RNF207: variants seen among roughly 807,000 people sequenced by gnomAD.
The protein encoded by RNF207 is OTTHUMG00000001089.
In RNF207, 72 loss-of-function variants were observed where a neutral mutation model predicts 79.0. The ratio of observed to expected loss-of-function variants is 0.91; its 90% confidence interval spans 0.75 to 1.11. The LOEUF (loss-of-function observed/expected upper bound fraction) is 1.11. Among genes scored for constraint, RNF207 ranks in the 50% least tolerant of loss-of-function variants. The probability of loss-of-function intolerance (pLI) is 0.00; values close to 1 mark genes in which losing one functional copy is unlikely to be tolerated. For synonymous variants in RNF207, 348 were observed against 366.2 expected (o/e 0.95, Z 0.57); for missense variants, 936 against 855.8 (o/e 1.09, Z -1.17).
At position 6,206,635 on chromosome 1, in the gene RNF207, C is replaced by G; in HGVS notation, c.100C>G (p.Arg34Gly). Residue 34 changes from arginine to glycine, a missense_variant, in exon 2 of 18, where the codon CGC (arginine) becomes GGC (glycine). Physicochemically the swap from Arg to Gly is moderately radical, Grantham distance 125. Transcript: ENST00000377939. ...VCPLCHVQYE[R>G]PCLLDCFHDF... ...CCCGCTGTGCCACGTGCAGTACGAG[C>G]GCCCGTGTCTTCTGGACTGTTTCCA... is the stretch of plus-strand genomic sequence containing the variant. 6.2e-7 allele frequency: 1 copy of G among 1,608,140 alleles called. No homozygotes were observed. Among genetic ancestry groups the G allele is most frequent in the Non-Finnish European group, 8.5e-7 (1 of 1,179,820 alleles).
chr1:6,219,115 C>T, intron 17 of RNF207, 121 bp from the exon 18 acceptor site: 1 of 810,544 alleles, frequency 1.2e-6, no homozygotes, highest in African/African-American at 1.7e-5. Flanking sequence ...TCCTGGTTCT[C>T]ACTCACTGAG....
chr1:6,215,830 C>A (rs1235841593), intron 16 of RNF207, among the ~76,000 whole-genome samples: 2 of 152,146 alleles, frequency 1.3e-5, no homozygotes, highest in Non-Finnish European at 2.9e-5. Flanking sequence ...GCCCTCTAAG[C>A]TTGTGTAGGT....
chr1:6,215,766 G>C (rs964071839), intron 16 of RNF207, among the ~76,000 whole-genome samples: 2 of 151,848 alleles, frequency 1.3e-5, no homozygotes, highest in Admixed American at 6.6e-5. Flanking sequence ...AGGTTCAATC[G>C]ATTCTCCTGC....
At chr1:6,209,648 C>T (rs1557585595) in intron 7 of RNF207, 109 bp downstream of exon 7, 1 of 1,294,432 alleles carries the variant, frequency 7.7e-7, no homozygotes, top group East Asian at 2.8e-5. Flanking sequence ...GGCCTTGCAC[C>T]AAGCACTTTC....
chr1:6,212,480 A>C (rs1288896982), intron 14 of RNF207, 64 bp downstream of exon 14: 25 of 1,485,836 alleles, frequency 1.7e-5, no homozygotes, highest in Non-Finnish European at 2.0e-5. Flanking sequence ...CTACCCTAAG[A>C]CAGTAAGCGG....
In RNF207 at chr1:6,210,907, C is replaced by T. The variant is rs543292643; in HGVS notation, c.980C>T (p.Pro327Leu). The T allele has an allele frequency of 1.2e-5, 19 of 1,606,340 alleles. No homozygotes were observed. The highest frequency in any genetic ancestry group is 9.3e-5 in the African/African-American group (7 of 74,994). Residue 327 changes from proline (P) to leucine (L), a missense_variant, in exon 11 of 18, where the codon CCG (proline) becomes CTG (leucine). By Grantham distance (98) the Pro-to-Leu change is moderately conservative. Coordinates refer to ENST00000377939, the MANE Select transcript of RNF207 (RefSeq NM_207396.3). The stretch of plus-strand genomic sequence containing the variant: ...AGGCTGCAGGGCATCGTCACGCGGC[C>T]GCACCACCTAAGGCCTATTCAGAGC... ...MERLQGIVTRPHHLRPIQSSK... is the reference protein window; with the variant it reads ...MERLQGIVTRLHHLRPIQSSK...
Position 6,207,842 on chromosome 1 carries a change from G to A in RNF207, c.324+331G>A. On this transcript the variant is annotated intron_variant, in intron 3 of 17. Coordinates refer to ENST00000377939, the MANE Select transcript of RNF207 (RefSeq NM_207396.3). This position sits in a 1 kb window ranked among gnomAD's most constrained non-coding sequence, Gnocchi z 4.5. ...TTGCAGGCCTGGGCCGACCCTGAAG[G>A]GCCTCTGCTACCCAAGTGGCATAGA... The A allele has an allele frequency of 2.0e-6, 1 of 508,746 alleles. No individual in the cohort carries two copies. The highest frequency in any genetic ancestry group is 1.9e-5 in the African/African-American group (1 of 52,348). The allele number at this position is 508,746 out of a possible 1,614,324, so 31.5% of individuals were successfully genotyped here.
At chr1:6,218,783 A>G (rs1668450677) in intron 17 of RNF207, among the ~76,000 whole-genome samples, 1 of 152,212 alleles carries the variant, frequency 6.6e-6, no homozygotes, top group Non-Finnish European at 1.5e-5. Flanking sequence ...ACACAGTCAC[A>G]GGCTGATCTT....
In RNF207 at chr1:6,210,556, G is replaced by T; in HGVS notation, c.942+118G>T. On this transcript the variant is annotated intron_variant, in intron 10 of 17. Transcript: ENST00000377939. ...CCTGGAGCCTGGACCAGGGATCTCGGGGCTGACCCCCTCCCAACTCCATCA... is the reference window on the plus strand; with the variant it reads ...CCTGGAGCCTGGACCAGGGATCTCGTGGCTGACCCCCTCCCAACTCCATCA... 1.1e-5 allele frequency: 8 copies of T among 756,578 alleles called. No individual in the cohort carries two copies. In the South Asian group the frequency reaches 1.2e-4, roughly 11 times the overall value. 46.9% of individuals were successfully genotyped at this position (756,578 alleles called of 1,614,324 possible). A position where few individuals can be genotyped will look rare whatever the true frequency, so the allele number is the denominator to read the frequency against.
intron 10 of RNF207, 184 bp from the exon 11 acceptor site, chr1:6,210,686 C>T (rs775386046): frequency 1.5e-6 from 1 of 668,124 alleles, no homozygotes; most frequent in Non-Finnish European, 2.6e-6. Context: ...GTCCAGCCGC[C>T]CCCTCTCCTG....
At chr1:6,212,608 T>G in intron 14 of RNF207, 74 bp from the exon 15 acceptor site, 1 of 1,366,774 alleles carries the variant, frequency 7.3e-7, no homozygotes, top group South Asian at 1.2e-5. Context: ...TAGATCTGAG[T>G]AGCTAGAGAT....
At position 6,207,835 on chromosome 1, in the gene RNF207, C is replaced by T. The variant is rs1667975112; in HGVS notation, c.324+324C>T. 3 of 527,434 alleles carry T rather than the reference C, an allele frequency of 5.7e-6. No homozygotes were observed. Among genetic ancestry groups the T allele is most frequent in the Non-Finnish European group, 1.1e-5 (3 of 278,002 alleles). The allele number at this position is 527,434 out of a possible 1,614,324, so 32.7% of individuals were successfully genotyped here. A position where few individuals can be genotyped will look rare whatever the true frequency, so the allele number is the denominator to read the frequency against. On this transcript the variant is annotated intron_variant, in intron 3 of 17. Transcript: ENST00000377939. This position sits in a 1 kb window ranked among gnomAD's most constrained non-coding sequence, Gnocchi z 4.5. ...GTCCAGTTTGCAGGCCTGGGCCGAC[C>T]CTGAAGGGCCTCTGCTACCCAAGTG... is the stretch of plus-strand genomic sequence containing the variant.
chr1:6,218,319 G>C lies in RNF207; in HGVS notation c.1683G>C (p.Glu561Asp), dbSNP rs368123814. The change falls in exon 17 of 18, where the codon GAG (glutamate) becomes GAC (aspartate). Residue 561 changes from glutamate to aspartate, a missense_variant. Physicochemically the swap from Glu to Asp is conservative, Grantham distance 45. Coordinates refer to ENST00000377939, the MANE Select transcript of RNF207 (RefSeq NM_207396.3). ...AGGCACCCGTGGATGAGCAGTCAGA[G>C]AGTCTACAGAACACGCACGACGACA... ...RFQAPVDEQS[E>D]SLQNTHDDSR... 65 of 1,614,012 alleles carry C rather than the reference G, an allele frequency of 4.0e-5. No homozygotes were observed. Among genetic ancestry groups the C allele is most frequent in the Admixed American group, 1.5e-4 (9 of 60,008 alleles).
chr1:6,209,583 GGT>G, intron 7 of RNF207, 44 bp downstream of exon 7: 1 of 1,427,144 alleles, frequency 7.0e-7, no homozygotes. Context: ...GCCGGGACCT[GGT>G]GACACAGGGC....
chr1:6,209,059 G>A lies in RNF207; in HGVS notation c.469+34G>A, dbSNP rs770088873. ...GGCTTGCGGGGCCGGGGACTTGGGGGTGGGGGCGGGGCGGGCACTGACCGG... is the reference window on the plus strand; with the variant it reads ...GGCTTGCGGGGCCGGGGACTTGGGGATGGGGGCGGGGCGGGCACTGACCGG... On this transcript the variant is annotated intron_variant, in intron 4 of 17. Coordinates refer to ENST00000377939, the MANE Select transcript of RNF207 (RefSeq NM_207396.3). 8.8e-5 allele frequency: 136 copies of A among 1,539,758 alleles called. 1 individual carries two copies. The highest frequency in any genetic ancestry group is 1.1e-4 in the Non-Finnish European group (131 of 1,141,250).
Position 6,212,767 on chromosome 1 carries a change from G to A in RNF207, c.1534+34G>A, listed in dbSNP as rs747646954. The A allele has an allele frequency of 2.5e-6, 4 of 1,570,652 alleles. No individual in the cohort carries two copies. In the East Asian group the frequency reaches 6.7e-5, roughly 26 times the overall value. ...CAGTTGGCTGCCGAGTGAACCCTCT[G>A]TCCCTGAGCTAACCCACATACTAGC... On this transcript the variant is annotated intron_variant, in intron 15 of 17. Transcript: ENST00000377939.
rs1403192743 is a variant in RNF207 at position 6,210,154 on chromosome 1, C to A, written c.801-69C>A. 16 of 1,408,208 alleles carry A rather than the reference C, an allele frequency of 1.1e-5. No individual in the cohort carries two copies. The Admixed American group carries it at 2.7e-4, about 23-fold the overall frequency. The allele number at this position is 1,408,208 out of a possible 1,614,324, so 87.2% of individuals were successfully genotyped here. A position where few individuals can be genotyped will look rare whatever the true frequency, so the allele number is the denominator to read the frequency against. The stretch of plus-strand genomic sequence containing the variant: ...AGGGACGGACATGCGAAGCTGGAGG[C>A]GGGTGGGGGATGGAACTGCCCGGCC... On this transcript the variant is annotated intron_variant, in intron 8 of 17. Transcript: ENST00000377939.
In RNF207 at chr1:6,211,893, C is replaced by T. The variant is rs538875559; in HGVS notation, c.1136C>T (p.Ala379Val). 6.8e-5 allele frequency: 105 copies of T among 1,549,368 alleles called. No homozygotes were observed. The highest frequency in any genetic ancestry group is 1.9e-4 in the Middle Eastern group (1 of 5,364). ...NTLAGGLGPK[A>V]LTGPHCPSPV... ...CTGGCAGGGGGCTTAGGCCCCAAGGCGCTGACGGGGCCCCACTGCCCCTCC... is the reference window on the plus strand; with the variant it reads ...CTGGCAGGGGGCTTAGGCCCCAAGGTGCTGACGGGGCCCCACTGCCCCTCC... The change falls in exon 13 of 18, where the codon GCG becomes GTG. Residue 379 changes from alanine to valine, a missense_variant. By Grantham distance (64) the Ala-to-Val change is moderately conservative. Transcript: ENST00000377939. The surrounding 1 kb of genome is among the most constrained non-coding windows in gnomAD (Gnocchi z 4.2).
In RNF207 at chr1:6,206,560, C is replaced by T. The variant is rs780923710; in HGVS notation, c.25C>T (p.Leu9=). 32 of 1,593,386 alleles carry T rather than the reference C, an allele frequency of 2.0e-5. No individual in the cohort carries two copies. Among genetic ancestry groups the T allele is most frequent in the Non-Finnish European group, 2.5e-5 (30 of 1,176,648 alleles). ...GATGTCGGGAGCTATCTTCGGGCCC[C>T]TGGAGGGCCCGAGCTCCCTGGATGC... MSGAIFGP[L]EGPSSLDAPS... Residue 9 remains leucine, a synonymous_variant, in exon 2 of 18, where the codon CTG becomes TTG. Transcript: ENST00000377939.
Sources: gnomAD v4.1 joint callset for allele counts (sites outside exome capture counted in the v4.1 genomes callset) on GRCh38, gnomAD v4.1.1 for gene constraint, Gnocchi (gnomAD v3.1) non-coding constraint, MANE v1.5 for transcripts, NCBI Gene and HGNC (gene_info 2026-07-23, HGNC 2026-07-21) for gene names.